Variants in FIG4 observed in about 807,000 individuals in gnomAD.
The protein encoded by FIG4 is polyphosphoinositide phosphatase.
A neutral mutation model predicts 118.6 loss-of-function variants in FIG4; 112 were observed. The ratio of observed to expected loss-of-function variants is 0.94; its 90% CI spans 0.81 to 1.11. The LOEUF is 1.11. Among genes scored for constraint, FIG4 ranks in the 50% least tolerant of loss-of-function variants. The pLI, the probability that FIG4 is intolerant of heterozygous loss-of-function variation, is 0.00. For synonymous variants in FIG4, 369 were observed against 381.2 expected, an observed-to-expected ratio of 0.97 and a Z score of 0.37; for missense variants, 969 against 1,111.7, an observed-to-expected ratio of 0.87 and a Z score of 1.83.
At chr6:109,693,738 G>T (rs534087785) in intron 1 of FIG4, among the ~76,000 whole-genome samples, 6 of 152,116 alleles carry the variant, frequency 3.9e-5, no homozygotes, top group South Asian at 2.1e-4. Context: ...GGCCAGGGGG[G>T]GTCTGGCAGG....
In FIG4 at chr6:109,810,199, C is replaced by T. The variant is rs144623392; in HGVS notation, c.2546+13348C>T. 5.7e-4 allele frequency among the ~76,000 whole-genome samples: 87 copies of T among 152,298 alleles called. 1 individual carries two copies. Among genetic ancestry groups the T allele is most frequent in the African/African-American group, 2.0e-3 (85 of 41,568 alleles). On this transcript the variant is annotated intron_variant, in intron 22 of 22. Transcript: ENST00000230124. ...TGGTGATTGGCTTAGAATACTCATTCAGGGTGCATGGATGTAGGGAAGTTG... is the reference window on the plus strand; with the variant it reads ...TGGTGATTGGCTTAGAATACTCATTTAGGGTGCATGGATGTAGGGAAGTTG...
At chr6:109,756,631 G>A (rs1000739760) in intron 10 of FIG4, among the ~76,000 whole-genome samples, 13 of 152,156 alleles carry the variant, frequency 8.5e-5, no homozygotes, top group East Asian at 1.9e-4. Context: ...GTCTTTGTTC[G>A]TTTCTTTTTA....
At position 109,824,587 on chromosome 6, in the gene FIG4, C is replaced by T. The variant is rs116109513; in HGVS notation, c.2547-501C>T. ...ACATTTACTGAGCTCCCAGGCAGTA[C>T]GCTAAGTGAACACTTTATACATGTA... On this transcript the variant is annotated intron_variant, in intron 22 of 22. Transcript: ENST00000230124. Among the ~76,000 whole-genome samples, 515 of 152,286 alleles carry T rather than the reference C, an allele frequency of 3.4e-3. 7 individuals are homozygous for T. The highest frequency in any genetic ancestry group is 0.012 in the African/African-American group (500 of 41,554).
intron 1 of FIG4, among the ~76,000 whole-genome samples, chr6:109,707,289 A>ATGTGTG (rs140367336): frequency 4.6e-4 from 67 of 145,164 alleles, no homozygotes; most frequent in African/African-American, 1.5e-3. Context: ...GTATATATAT[A>ATGTGTG]TATGTGTGTG....
intron 4 of FIG4, among the ~76,000 whole-genome samples, chr6:109,728,620 G>A (rs17070875): frequency 0.063 from 9,625 of 152,114 alleles, 569 homozygotes; most frequent in African/African-American, 0.15. Context: ...CCCTTGTGAT[G>A]TTGCTTTTGA....
chr6:109,799,101 T>C (rs1399144808), intron 22 of FIG4, among the ~76,000 whole-genome samples: 1 of 152,246 alleles, frequency 6.6e-6, no homozygotes, highest in East Asian at 1.9e-4. Context: ...TTTCTTAACA[T>C]TATTTCTGAT....
chr6:109,706,499 T>G (rs1775070739), intron 1 of FIG4, among the ~76,000 whole-genome samples: 1 of 152,214 alleles, frequency 6.6e-6, no homozygotes, highest in South Asian at 2.1e-4. Flanking sequence ...ATAGACTGAC[T>G]ACTAACAGAT....
At chr6:109,736,546 T>A (rs1037320129) in intron 6 of FIG4, among the ~76,000 whole-genome samples, 1 of 152,150 alleles carries the variant, frequency 6.6e-6, no homozygotes, top group Non-Finnish European at 1.5e-5. Context: ...TTGCAACGCT[T>A]CTGAATGTCA....
chr6:109,767,509 C>T (rs1777315028), intron 15 of FIG4, among the ~76,000 whole-genome samples: 1 of 152,178 alleles, frequency 6.6e-6, no homozygotes, highest in Non-Finnish European at 1.5e-5. Context: ...TGATTGATTT[C>T]ATGAGTCTTC....
intron 13 of FIG4, among the ~76,000 whole-genome samples, 182 bp downstream of exon 13, chr6:109,764,164 C>T (rs767381209): frequency 2.0e-5 from 3 of 151,780 alleles, no homozygotes; most frequent in East Asian, 1.9e-4. Flanking sequence ...GCTGGCTGGG[C>T]GCGGTGGCTC....
chr6:109,749,630 A>G (rs902796544), intron 10 of FIG4, among the ~76,000 whole-genome samples: 2 of 152,116 alleles, frequency 1.3e-5, no homozygotes, highest in African/African-American at 2.4e-5. Flanking sequence ...AAGTAAGTTC[A>G]TGTTTTACAG....
intron 22 of FIG4, among the ~76,000 whole-genome samples, chr6:109,811,048 C>G (rs1462248641): frequency 6.6e-6 from 1 of 152,158 alleles, no homozygotes; most frequent in Non-Finnish European, 1.5e-5. Flanking sequence ...GGTAAAATTT[C>G]ACAGACCTTT....
intron 5 of FIG4, 63 bp from the exon 6 acceptor site, chr6:109,735,087 C>T (rs536096664): frequency 1.6e-5 from 22 of 1,392,448 alleles, no homozygotes; most frequent in African/African-American, 8.5e-5. Flanking sequence ...TCTATATGGG[C>T]GCCAAGACCA....
At position 109,763,968 on chromosome 6, in the gene FIG4, A is replaced by C. The variant is rs779588326; in HGVS notation, c.1420A>C (p.Thr474Pro). The C allele has an allele frequency of 6.2e-7, 1 of 1,609,404 alleles. No homozygotes were observed. The highest frequency in any genetic ancestry group is 8.5e-7 in the Non-Finnish European group (1 of 1,175,708). ...TGAACTAGGAGGATGTGTGATTCCC[A>C]CTGGTCGCCTGCAGGTATACACAGT... is the stretch of plus-strand genomic sequence containing the variant. ...WNELGGCVIP[T>P]GRLQTGILRT... Residue 474 changes from threonine (T) to proline (P), a missense_variant, in exon 13 of 23, where the codon ACT becomes CCT. By Grantham distance (38) the Thr-to-Pro change is conservative. This residue lies in a region of FIG4 where 246 missense variants were observed against 354.3 expected (regional missense o/e 0.69). Coordinates refer to ENST00000230124, the MANE Select transcript of FIG4 (RefSeq NM_014845.6).
At chr6:109,712,156 G>T (rs1775284669) in intron 1 of FIG4, among the ~76,000 whole-genome samples, 1 of 152,156 alleles carries the variant, frequency 6.6e-6, no homozygotes. Context: ...CTTTGTAGGT[G>T]ACCTGACCTT....
At chr6:109,699,516 T>G (rs1450209766) in intron 1 of FIG4, among the ~76,000 whole-genome samples, 2 of 151,168 alleles carry the variant, frequency 1.3e-5, no homozygotes, top group East Asian at 3.9e-4. Flanking sequence ...TTTGTTTTTT[T>G]TTTTGAGACG....
rs778775321 is a variant in FIG4 at position 109,716,591 on chromosome 6, T to TA, written c.289+24dup. ...TGGGTAAGAAATCTGCCCCCCTTCT[T>TA]ACAATCTCTTGTTTTTTGTTTTTGT... On this transcript the variant is annotated intron_variant, in intron 3 of 22. Transcript: ENST00000230124. 7 of 1,613,024 alleles carry TA rather than the reference T, an allele frequency of 4.3e-6. No homozygotes were observed. In the African/African-American group the frequency reaches 6.7e-5, roughly 15 times the overall value.
chr6:109,774,690 G>A (rs1236442978), intron 15 of FIG4, among the ~76,000 whole-genome samples: 1 of 152,090 alleles, frequency 6.6e-6, no homozygotes, highest in African/African-American at 2.4e-5. Context: ...GATAACTAGC[G>A]AAGTTGGATT....
intron 17 of FIG4, chr6:109,785,798 A>G (rs546689715): frequency 4.5e-6 from 2 of 446,154 alleles, no homozygotes; most frequent in African/African-American, 4.1e-5. Flanking sequence ...TTTGGTTCTT[A>G]TTAAGTTATA....
Sources: gnomAD v4.1 joint callset for allele counts (sites outside exome capture counted in the v4.1 genomes callset) on GRCh38, gnomAD v4.1.1 for gene constraint, gnomAD v4.1.1 regional missense constraint, MANE v1.5 for transcripts, NCBI Gene and HGNC (gene_info 2026-07-23, HGNC 2026-07-21) for gene names.